FOXP2: variants seen among roughly 807,000 people sequenced by gnomAD.
FOXP2 encodes the protein forkhead box protein P2.
A neutral mutation model predicts 115.8 loss-of-function variants in FOXP2; 12 were observed. That is an observed-to-expected ratio of 0.10 (90% CI 0.07 to 0.17). The LOEUF (loss-of-function observed/expected upper bound fraction) is 0.17. Ranked by LOEUF, FOXP2 falls within the 10% of genes least tolerant of loss-of-function variation. FOXP2 has a pLI of 1.00. For missense variants in FOXP2, 629 were observed against 843.5 expected, an observed-to-expected ratio of 0.75 and a Z score of 3.15; for synonymous variants, 328 against 297.7, an observed-to-expected ratio of 1.10 and a Z score of -1.05.
intron 16 of FOXP2, among the ~76,000 whole-genome samples, chr7:114,678,463 A>G (rs974373337): frequency 6.6e-6 from 1 of 151,870 alleles, no homozygotes; most frequent in Non-Finnish European, 1.5e-5. Flanking sequence ...GATGCTTAGC[A>G]AGACCCTCAA....
intron 1 of FOXP2, among the ~76,000 whole-genome samples, chr7:114,186,644 A>T (rs1037869600): frequency 5.3e-5 from 8 of 152,206 alleles, no homozygotes; most frequent in Middle Eastern, 6.8e-3. Context: ...TGGCAGCTCT[A>T]GAGTTCTGCA....
intron 3 of FOXP2, among the ~76,000 whole-genome samples, chr7:114,591,078 A>C (rs1802415343): frequency 6.6e-6 from 1 of 152,138 alleles, no homozygotes; most frequent in African/African-American, 2.4e-5. Flanking sequence ...ATATGTGCCA[A>C]AGATATCCTA....
At chr7:114,479,827 A>G (rs1367820304) in intron 2 of FOXP2, among the ~76,000 whole-genome samples, 1 of 151,474 alleles carries the variant, frequency 6.6e-6, no homozygotes, top group Non-Finnish European at 1.5e-5. Flanking sequence ...TACCGCAGCA[A>G]TTTACCAATT....
At chr7:114,583,443 T>C (rs1408693503) in intron 3 of FOXP2, among the ~76,000 whole-genome samples, 1 of 152,076 alleles carries the variant, frequency 6.6e-6, no homozygotes, top group Non-Finnish European at 1.5e-5. Flanking sequence ...TTGTCATTTC[T>C]GAGCCTCACG....
At chr7:114,633,918 C>T (rs558991862) in intron 6 of FOXP2, among the ~76,000 whole-genome samples, 4 of 152,034 alleles carry the variant, frequency 2.6e-5, no homozygotes, top group Admixed American at 1.3e-4. Flanking sequence ...GTTGATTAGC[C>T]TTGAAAAATA....
intron 2 of FOXP2, among the ~76,000 whole-genome samples, chr7:114,476,088 G>GTTT (rs34615484): frequency 2.2e-5 from 3 of 136,576 alleles, no homozygotes; most frequent in Non-Finnish European, 3.2e-5. Context: ...GGATACTTGG[G>GTTT]TTTTTTTTTT....
upstream of FOXP2, among the ~76,000 whole-genome samples, chr7:114,161,750 G>A (rs1338801696): frequency 6.6e-6 from 1 of 152,080 alleles, no homozygotes; most frequent in South Asian, 2.1e-4. Context: ...GCAAGGGGAT[G>A]TGATCCAGGT....
chr7:114,271,484 A>C (rs1440963158), intron 1 of FOXP2, among the ~76,000 whole-genome samples: 2 of 134,528 alleles, frequency 1.5e-5, no homozygotes, highest in Non-Finnish European at 3.1e-5. Context: ...ATTTATATAT[A>C]TATATTTATA....
At chr7:114,135,787 AG>A (rs1792021686) in intron 1 of FOXP2, among the ~76,000 whole-genome samples, 1 of 152,132 alleles carries the variant, frequency 6.6e-6, no homozygotes. Flanking sequence ...CATAAAATAA[AG>A]GCTGTGTTCA....
In FOXP2 at chr7:114,438,689, A is replaced by G. The variant is rs138806147; in HGVS notation, c.168+12010A>G. On this transcript the variant is annotated intron_variant, in intron 2 of 16. Transcript: ENST00000350908. The stretch of plus-strand genomic sequence containing the variant: ...TTTGCTGAAGAATAATTTGGAAATT[A>G]AAAACTGTGCACAGAAAAAAATAAA... Among the ~76,000 whole-genome samples the G allele has an allele frequency of 1.3e-3, 205 of 152,284 alleles. 1 individual carries two copies. The highest frequency in any genetic ancestry group is 0.01 in the Middle Eastern group (3 of 294).
Position 114,426,627 on chromosome 7 carries a change from A to G in FOXP2, c.116A>G (p.Asp39Gly). 1 of 1,611,640 alleles carries G rather than the reference A, an allele frequency of 6.2e-7. No individual in the cohort carries two copies. Among genetic ancestry groups the G allele is most frequent in the Non-Finnish European group, 8.5e-7 (1 of 1,178,364 alleles). ...AGSRDGRSSG[D>G]TSSEVSTVEL... Reference sequence around the variant, plus strand: ...AGCAGAGATGGAAGATCAAGTGGTGACACCAGCTCTGAAGTAAGCACAGTA... The same window carrying G: ...AGCAGAGATGGAAGATCAAGTGGTGGCACCAGCTCTGAAGTAAGCACAGTA... Residue 39 changes from aspartate (D) to glycine (G), a missense_variant, in exon 2 of 17, where the codon GAC becomes GGC. Asp to Gly is a moderately conservative substitution (Grantham distance 94, BLOSUM62 -1). Transcript: ENST00000350908.
chr7:114,662,186 G>T lies in FOXP2; in HGVS notation c.1769G>T (p.Gly590Val). Residue 590 changes from glycine (G) to valine (V), a missense_variant and splice_region_variant, in exon 14 of 17, where the codon GGA (glycine) becomes GTA (valine). Gly to Val is a moderately radical substitution (Grantham distance 109). Around this residue, in one of 9 missense-constraint regions of FOXP2, gnomAD observed 40 missense variants for 75.3 expected, o/e 0.53. Transcript: ENST00000350908. ...AAGCGAAGGTCACAAAAGATAACAG[G>T]GTATGTTTGTGATAGTTTTGTAATC... Reference protein sequence around the residue: ...YQKRRSQKITGSPTLVKNIPT... With the variant: ...YQKRRSQKITVSPTLVKNIPT... 1.9e-6 allele frequency: 3 copies of T among 1,612,398 alleles called. No individual in the cohort carries two copies. Among genetic ancestry groups the T allele is most frequent in the Non-Finnish European group, 1.7e-6 (2 of 1,178,862 alleles).
chr7:114,344,523 T>C (rs538402882), intron 2 of FOXP2, among the ~76,000 whole-genome samples: 20 of 151,928 alleles, frequency 1.3e-4, no homozygotes, highest in Middle Eastern at 3.4e-3. Flanking sequence ...TTAATCAGTG[T>C]TTCAAATGTA....
At chr7:114,425,244 A>G (rs1219487286) in intron 1 of FOXP2, among the ~76,000 whole-genome samples, 1 of 151,638 alleles carries the variant, frequency 6.6e-6, no homozygotes, top group Non-Finnish European at 1.5e-5. Flanking sequence ...AATCATGTAA[A>G]AAACAAATTA....
At chr7:114,420,374 T>C (rs1007696214) in intron 1 of FOXP2, among the ~76,000 whole-genome samples, 5 of 151,966 alleles carry the variant, frequency 3.3e-5, no homozygotes, top group Admixed American at 3.3e-4. Context: ...TCTTTCTATG[T>C]TCTTGGAGAG....
intron 2 of FOXP2, among the ~76,000 whole-genome samples, chr7:114,511,894 G>A (rs1798096549): frequency 6.6e-6 from 1 of 151,792 alleles, no homozygotes. Flanking sequence ...AATTATTATT[G>A]TAATTAATTT....
intron 1 of FOXP2, among the ~76,000 whole-genome samples, chr7:114,106,742 G>A (rs1224042141): frequency 6.6e-6 from 1 of 151,916 alleles, no homozygotes; most frequent in Non-Finnish European, 1.5e-5. Flanking sequence ...TGTGGTATTT[G>A]CAAGTAGTGT....
intron 14 of FOXP2, 91 bp from the exon 15 acceptor site, chr7:114,663,359 C>G (rs1271023357): frequency 1.1e-6 from 1 of 946,104 alleles, no homozygotes; most frequent in Non-Finnish European, 1.7e-6. Context: ...TAGTGTGAGA[C>G]AAGCCAGAAC....
At chr7:114,675,761 GCATA>G (rs1230516646) in intron 16 of FOXP2, among the ~76,000 whole-genome samples, 13 of 151,944 alleles carry the variant, frequency 8.6e-5, no homozygotes, top group Non-Finnish European at 1.3e-4. Flanking sequence ...CAAAATCTAT[GCATA>G]TCAATGGGGA....
Sources: gnomAD v4.1 joint callset for allele counts (sites outside exome capture counted in the v4.1 genomes callset) on GRCh38, gnomAD v4.1.1 for gene constraint, gnomAD v4.1.1 regional missense constraint, MANE v1.5 for transcripts, NCBI Gene and HGNC (gene_info 2026-07-23, HGNC 2026-07-21) for gene names.